The following SLC44A5 variants were observed in gnomAD, a reference collection of about 807,000 sequenced individuals.
SLC44A5 encodes solute carrier family 44 member 5.
In SLC44A5, 57 loss-of-function variants were observed where a neutral mutation model predicts 101.8. The observed-to-expected ratio is 0.56, with a 90% CI of 0.45 to 0.70. SLC44A5 has a LOEUF of 0.70. Among genes scored for constraint, SLC44A5 ranks in the 30% least tolerant of loss-of-function variants. SLC44A5 has a pLI of 0.00. For missense variants in SLC44A5, 737 were observed against 853.1 expected (o/e 0.86, Z 1.70); for synonymous variants, 281 against 290.9 (o/e 0.97, Z 0.35).
chr1:75,219,340 A>C lies in SLC44A5; in HGVS notation c.1183T>G (p.Leu395Val), dbSNP rs2100497175. ...ICYWVVTAVF[L>V]ATSGVPVYKV... The stretch of plus-strand genomic sequence containing the variant: ...TATACAGGTACCCCCGATGTCGCCA[A>C]GAAACTGAATAAACTCCATTAAGGA... Residue 395 changes from leucine (L) to valine (V), a missense_variant, in exon 16 of 24, where the codon TTG becomes GTG. Transcript: ENST00000370859. 2 of 1,608,700 alleles carry C rather than the reference A, an allele frequency of 1.2e-6. No individual in the cohort carries two copies. Among genetic ancestry groups the C allele is most frequent in the Non-Finnish European group, 8.5e-7 (1 of 1,175,184 alleles).
chr1:75,705,585 C>T, the SLC44A5 span, among the ~76,000 whole-genome samples: 129 of 152,230 alleles, frequency 8.5e-4, no homozygotes, highest in East Asian at 0.022. Context: ...CTATAGTTAT[C>T]CCTTTTTATT....
At chr1:75,554,183 A>G (rs1210767933) in intron 1 of SLC44A5, among the ~76,000 whole-genome samples, 1 of 151,730 alleles carries the variant, frequency 6.6e-6, no homozygotes, top group Non-Finnish European at 1.5e-5. Context: ...ATTAAAAGTA[A>G]TTGAAGTATC....
At chr1:75,337,649 T>G (rs1657549512) in intron 4 of SLC44A5, among the ~76,000 whole-genome samples, 1 of 152,158 alleles carries the variant, frequency 6.6e-6, no homozygotes, top group Admixed American at 6.5e-5. Flanking sequence ...AAAATCATCT[T>G]CTCTTGGTTA....
intron 2 of SLC44A5, among the ~76,000 whole-genome samples, chr1:75,444,242 G>A (rs1233060783): frequency 2.0e-5 from 3 of 151,262 alleles, no homozygotes; most frequent in Non-Finnish European, 4.4e-5. Flanking sequence ...ACTTGAACCT[G>A]GAAGGTGGAG....
chr1:75,376,093 T>C (rs1313031), intron 3 of SLC44A5, among the ~76,000 whole-genome samples: 78,635 of 152,066 alleles, frequency 0.52, 22,324 homozygotes, highest in East Asian at 0.94. Flanking sequence ...CCTGGAAAAT[T>C]GGGTCACTCC....
At chr1:75,503,904 T>A (rs1200660910) in intron 2 of SLC44A5, among the ~76,000 whole-genome samples, 1 of 152,200 alleles carries the variant, frequency 6.6e-6, no homozygotes, top group Non-Finnish European at 1.5e-5. Flanking sequence ...AGGCTGAATA[T>A]GCAAAGACCT....
At chr1:75,580,845 A>T (rs1673650249) in intron 1 of SLC44A5, among the ~76,000 whole-genome samples, 1 of 151,682 alleles carries the variant, frequency 6.6e-6, no homozygotes, top group Non-Finnish European at 1.5e-5. Flanking sequence ...CTCAAAAAAA[A>T]AAACAAAGAA....
chr1:75,445,560 T>TA (rs1557791809), intron 2 of SLC44A5, among the ~76,000 whole-genome samples: 3 of 148,362 alleles, frequency 2.0e-5, no homozygotes, highest in Admixed American at 6.7e-5. Context: ...TATGTATAAA[T>TA]TATATATATA....
intron 5 of SLC44A5, among the ~76,000 whole-genome samples, chr1:75,275,403 T>A (rs1651837576): frequency 6.6e-6 from 1 of 152,166 alleles, no homozygotes; most frequent in Non-Finnish European, 1.5e-5. Flanking sequence ...ATAGCAGACC[T>A]AATACATTTA....
intron 13 of SLC44A5, among the ~76,000 whole-genome samples, chr1:75,225,477 C>T (rs1312852969): frequency 6.6e-6 from 1 of 152,050 alleles, no homozygotes; most frequent in Admixed American, 6.6e-5. Context: ...ATATTCGATG[C>T]CCTATAGAGT....
intron 2 of SLC44A5, among the ~76,000 whole-genome samples, chr1:75,471,486 C>T (rs545768664): frequency 6.6e-6 from 1 of 152,022 alleles, no homozygotes; most frequent in Non-Finnish European, 1.5e-5. Context: ...AAGCAGCTTC[C>T]AAAGCACTGC....
At position 75,597,323 on chromosome 1, in the gene SLC44A5, T is replaced by A. The variant is rs150943470; in HGVS notation, c.-70+13717A>T. The stretch of plus-strand genomic sequence containing the variant: ...GATAATGCAAAAAAATGGAAAAATA[T>A]CCCATGCCCATGGACAGAAAGAATC... On this transcript the variant is annotated intron_variant, in intron 1 of 23. Transcript: ENST00000370859. Among the ~76,000 whole-genome samples, 871 of 151,840 alleles carry A rather than the reference T, an allele frequency of 5.7e-3. 15 individuals carry two copies. Among genetic ancestry groups the A allele is most frequent in the Admixed American group, 0.035 (532 of 15,250 alleles).
the SLC44A5 span, chr1:75,642,103 A>G: frequency 6.9e-6 from 8 of 1,153,416 alleles, no homozygotes; most frequent in Admixed American, 6.7e-5. Flanking sequence ...ATTTTATTTG[A>G]TGTAGATATA....
intron 5 of SLC44A5, among the ~76,000 whole-genome samples, chr1:75,291,880 C>T (rs537025279): frequency 2.0e-5 from 3 of 151,840 alleles, no homozygotes; most frequent in African/African-American, 7.2e-5. Context: ...GGCGTGGTGG[C>T]GGGCACCTGT....
chr1:75,496,730 A>C (rs982726770), intron 2 of SLC44A5, among the ~76,000 whole-genome samples: 3 of 152,082 alleles, frequency 2.0e-5, no homozygotes, highest in Non-Finnish European at 2.9e-5. Flanking sequence ...CAAACCATAT[A>C]TCTAATAAAG....
At chr1:75,498,571 G>A (rs746368408) in intron 2 of SLC44A5, among the ~76,000 whole-genome samples, 30 of 151,804 alleles carry the variant, frequency 2.0e-4, no homozygotes, top group South Asian at 4.2e-4. Context: ...TGCTAATCCA[G>A]TTTTTTTTAA....
chr1:75,325,296 T>C (rs1656492825), intron 4 of SLC44A5, among the ~76,000 whole-genome samples: 1 of 152,158 alleles, frequency 6.6e-6, no homozygotes, highest in East Asian at 1.9e-4. Context: ...AAGAATCTGA[T>C]ACATTTATTT....
chr1:75,225,822 T>C (rs1252278868), intron 13 of SLC44A5, among the ~76,000 whole-genome samples: 1 of 152,226 alleles, frequency 6.6e-6, no homozygotes, highest in African/African-American at 2.4e-5. Flanking sequence ...TTAAGCTCTG[T>C]ATTTTCCTAA....
chr1:75,561,390 A>G (rs1420641959), intron 1 of SLC44A5, among the ~76,000 whole-genome samples: 1 of 152,108 alleles, frequency 6.6e-6, no homozygotes, highest in East Asian at 1.9e-4. Flanking sequence ...ACCCACTGGC[A>G]TACTTTACAT....
Sources: gnomAD v4.1 joint callset for allele counts (sites outside exome capture counted in the v4.1 genomes callset) on GRCh38, gnomAD v4.1.1 for gene constraint, MANE v1.5 for transcripts, NCBI Gene and HGNC (gene_info 2026-07-23, HGNC 2026-07-21) for gene names.